The following INPP5F variants were observed in gnomAD, a reference collection of about 807,000 sequenced individuals.
The protein encoded by INPP5F is phosphatidylinositide 4-phosphatase SAC2.
INPP5F carries 97 observed loss-of-function variants against 137.2 expected under a neutral mutation model. The ratio of observed to expected loss-of-function variants is 0.71; its 90% CI spans 0.60 to 0.84. The LOEUF (loss-of-function observed/expected upper bound fraction) is 0.84. Among genes scored for constraint, INPP5F ranks in the 40% least tolerant of loss-of-function variants. The pLI, the probability that INPP5F is intolerant of heterozygous loss-of-function variation, is 0.00. For synonymous variants in INPP5F, 504 were observed against 476.9 expected (o/e 1.06, Z -0.74); for missense variants, 1,271 against 1,371.9 (o/e 0.93, Z 1.16).
At position 119,797,501 on chromosome 10, in the gene INPP5F, T is replaced by C; in HGVS notation, c.909T>C (p.Asn303=). The stretch of plus-strand genomic sequence containing the variant: ...GAAGAGGAGTGGATAAAAATGGAAA[T>C]GTTGCCAATTATGTGGAGACTGAGC... ...YKRRGVDKNG[N]VANYVETEQL... The change falls in exon 8 of 20, where the codon AAT becomes AAC. Residue 303 remains asparagine (N), a synonymous_variant. Transcript: ENST00000650623. 6.2e-7 allele frequency: 1 copy of C among 1,612,352 alleles called. No homozygotes were observed. The highest frequency in any genetic ancestry group is 8.5e-7 in the Non-Finnish European group (1 of 1,179,116).
chr10:119,778,215 C>T (rs1050508369), intron 2 of INPP5F, among the ~76,000 whole-genome samples: 11 of 152,028 alleles, frequency 7.2e-5, no homozygotes, highest in Admixed American at 3.9e-4. Context: ...GCCATGTTGG[C>T]CAGGCTGGTC....
rs1291848008 is a variant in INPP5F at position 119,827,371 on chromosome 10, A to G, written c.2990A>G (p.Asn997Ser). Residue 997 changes from asparagine to serine, a missense_variant, in exon 20 of 20, where the codon AAT becomes AGT. Coordinates refer to ENST00000650623, the MANE Select transcript of INPP5F (RefSeq NM_014937.4). ...AATCAAATGACCAATCAAGTTTCAA[A>G]TGAAACCCAATCAGAATCAACAGAA... ...ERNQMTNQVS[N>S]ETQSESTEQT... The G allele has an allele frequency of 2.3e-5, 37 of 1,614,100 alleles. No homozygotes were observed. Among genetic ancestry groups the G allele is most frequent in the Non-Finnish European group, 2.9e-5 (34 of 1,180,038 alleles).
chr10:119,741,351 G>A (rs1388340792), intron 1 of INPP5F, among the ~76,000 whole-genome samples: 3 of 152,014 alleles, frequency 2.0e-5, no homozygotes, highest in East Asian at 1.9e-4. Flanking sequence ...CTGTTGTCCC[G>A]CTGAGTGGGT....
At chr10:119,786,480 ATACTT>A (rs1321821708) in intron 3 of INPP5F, among the ~76,000 whole-genome samples, 1 of 152,220 alleles carries the variant, frequency 6.6e-6, no homozygotes, top group Non-Finnish European at 1.5e-5. Context: ...GTAGTGCTCT[ATACTT>A]TATTTTCTAA....
chr10:119,805,478 A>G lies in INPP5F; in HGVS notation c.1319+17A>G. 1 of 1,544,496 alleles carries G rather than the reference A, an allele frequency of 6.5e-7. No homozygotes were observed. The highest frequency in any genetic ancestry group is 1.4e-5 in the African/African-American group (1 of 73,570). ...GTGGTGTTGGTAAGTATTTTACAAGAACTCCTTTTTACAGACTCTGGGATC... is the reference window on the plus strand; with the variant it reads ...GTGGTGTTGGTAAGTATTTTACAAGGACTCCTTTTTACAGACTCTGGGATC... On this transcript the variant is annotated intron_variant, in intron 11 of 19. Coordinates refer to ENST00000650623, the MANE Select transcript of INPP5F (RefSeq NM_014937.4).
rs1341600096 is a variant in INPP5F, at chr10:119,726,101, C to T, written c.-162C>T. Reference sequence around the variant, plus strand: ...GCCGCCGCTGCCGGGGCGCGTTCTCCTCCTACCGGTCGGGTGCCCCGGGGC... The same window carrying T: ...GCCGCCGCTGCCGGGGCGCGTTCTCTTCCTACCGGTCGGGTGCCCCGGGGC... On this transcript the variant is annotated 5_prime_UTR_variant, in exon 1 of 20. Coordinates refer to ENST00000650623, the MANE Select transcript of INPP5F (RefSeq NM_014937.4). 2.0e-5 allele frequency: 8 copies of T among 393,634 alleles called. No individual in the cohort carries two copies. The highest frequency in any genetic ancestry group is 4.7e-5 in the Admixed American group (1 of 21,064). 24.4% of individuals were successfully genotyped at this position (393,634 alleles called of 1,614,324 possible).
intron 1 of INPP5F, among the ~76,000 whole-genome samples, chr10:119,749,848 G>A (rs906733329): frequency 6.6e-6 from 1 of 152,126 alleles, no homozygotes; most frequent in Non-Finnish European, 1.5e-5. Flanking sequence ...GTGCGATCTT[G>A]GCTCGCTGCA....
At chr10:119,807,685 G>T (rs1429151196) in intron 12 of INPP5F, among the ~76,000 whole-genome samples, 1 of 152,110 alleles carries the variant, frequency 6.6e-6, no homozygotes, top group Admixed American at 6.5e-5. Context: ...AAATATAATA[G>T]TATGATCCTG....
At position 119,726,305 on chromosome 10, in the gene INPP5F, G is replaced by A; in HGVS notation, c.43G>A (p.Gly15Ser). 1 of 1,488,122 alleles carries A rather than the reference G, an allele frequency of 6.7e-7. No individual in the cohort carries two copies. Among genetic ancestry groups the A allele is most frequent in the Non-Finnish European group, 8.9e-7 (1 of 1,118,042 alleles). The allele number at this position is 1,488,122 out of a possible 1,614,324, so 92.2% of individuals were successfully genotyped here. A position where few individuals can be genotyped will look rare whatever the true frequency, so the allele number is the denominator to read the frequency against. ...CAAGGACCACTACATCCTGCAGCAG[G>A]GCGAGCGCGCGCTGTGGTGCAGCCG... Reference protein sequence around the residue: ...QAKDHYILQQGERALWCSRRD... With the variant: ...QAKDHYILQQSERALWCSRRD... Residue 15 changes from glycine (G) to serine (S), a missense_variant, in exon 1 of 20, where the codon GGC (glycine) becomes AGC (serine). By Grantham distance (56) the Gly-to-Ser change is moderately conservative. Transcript: ENST00000650623.
intron 2 of INPP5F, among the ~76,000 whole-genome samples, chr10:119,753,501 A>G (rs1014664428): frequency 1.3e-5 from 2 of 152,148 alleles, no homozygotes; most frequent in African/African-American, 2.4e-5. Flanking sequence ...ACGTAGCAAC[A>G]TTCACCAGGA....
intron 1 of INPP5F, among the ~76,000 whole-genome samples, chr10:119,740,318 C>A (rs1848337148): frequency 6.6e-6 from 1 of 152,148 alleles, no homozygotes; most frequent in Non-Finnish European, 1.5e-5. Flanking sequence ...ACCATTTGGA[C>A]CAGAATTTGG....
chr10:119,795,008 C>T (rs1352444735), intron 6 of INPP5F, among the ~76,000 whole-genome samples: 1 of 126,534 alleles, frequency 7.9e-6, no homozygotes, highest in Admixed American at 7.5e-5. Context: ...CCGGATGGGG[C>T]GGCTGGCCGG....
At chr10:119,819,367 A>T in intron 15 of INPP5F, 1 of 1,313,546 alleles carries the variant, frequency 7.6e-7, no homozygotes, top group Non-Finnish European at 9.8e-7. Context: ...GCTTTTTGTT[A>T]AGGACATAAT....
At chr10:119,764,271 C>A (rs1011940013) in intron 2 of INPP5F, among the ~76,000 whole-genome samples, 1 of 152,174 alleles carries the variant, frequency 6.6e-6, no homozygotes, top group Middle Eastern at 3.2e-3. Flanking sequence ...CTGCTTGGTA[C>A]CAAAATCTCG....
In INPP5F at chr10:119,726,256, G is replaced by A; in HGVS notation, c.-7G>A. The A allele has an allele frequency of 2.7e-6, 4 of 1,462,010 alleles. No homozygotes were observed. The highest frequency in any genetic ancestry group is 1.5e-5 in the African/African-American group (1 of 67,870). The allele number at this position is 1,462,010 out of a possible 1,614,324, so 90.6% of individuals were successfully genotyped here. The stretch of plus-strand genomic sequence containing the variant: ...GGCCGCCGCCTCCCTGGGCGCGCGG[G>A]GCCAGCATGGAGCTCTTCCAAGCCA... On this transcript the variant is annotated 5_prime_UTR_variant, in exon 1 of 20. Transcript: ENST00000650623.
At chr10:119,790,866 G>GTAT (rs1850115667) in intron 3 of INPP5F, among the ~76,000 whole-genome samples, 1 of 152,162 alleles carries the variant, frequency 6.6e-6, no homozygotes, top group Non-Finnish European at 1.5e-5. Flanking sequence ...TAACATAGCC[G>GTAT]TATTCACGCT....
At chr10:119,806,329 T>G (rs183911992) in intron 11 of INPP5F, 31 bp from the exon 12 acceptor site, 2 of 1,433,446 alleles carry the variant, frequency 1.4e-6, no homozygotes, top group Middle Eastern at 1.8e-4. Context: ...TATTTTATAT[T>G]GTAAAATAAT....
rs773115423 is a variant in INPP5F, at chr10:119,827,473, C to T, written c.3092C>T (p.Ala1031Val). 23 of 1,614,036 alleles carry T rather than the reference C, an allele frequency of 1.4e-5. No individual in the cohort carries two copies. In the East Asian group the frequency reaches 2.0e-4, roughly 14 times the overall value. The change falls in exon 20 of 20, where the codon GCG (alanine) becomes GTG (valine). Residue 1031 changes from alanine to valine, a missense_variant. By Grantham distance (64) the Ala-to-Val change is moderately conservative (BLOSUM62 0). Around this residue, in one of 6 missense-constraint regions of INPP5F, gnomAD observed 490 missense variants for 443.7 expected, o/e 1.10. Transcript: ENST00000650623. ...CCACAGTTTTTGTCAGTTGAGCCAGCGCATTCAGTTGCATCTCAAAAAACC... is the reference window on the plus strand; with the variant it reads ...CCACAGTTTTTGTCAGTTGAGCCAGTGCATTCAGTTGCATCTCAAAAAACC... ...TGPQFLSVEP[A>V]HSVASQKTPT...
At chr10:119,769,044 G>A (rs1303455448) in intron 2 of INPP5F, among the ~76,000 whole-genome samples, 1 of 152,186 alleles carries the variant, frequency 6.6e-6, no homozygotes, top group Non-Finnish European at 1.5e-5. Flanking sequence ...TTTCCATGGA[G>A]TGGGGAATAG....
Sources: gnomAD v4.1 joint callset for allele counts (sites outside exome capture counted in the v4.1 genomes callset) on GRCh38, gnomAD v4.1.1 for gene constraint, gnomAD v4.1.1 regional missense constraint, MANE v1.5 for transcripts, NCBI Gene and HGNC (gene_info 2026-07-23, HGNC 2026-07-21) for gene names.